The following PALLD variants were observed in gnomAD, a reference collection of about 807,000 sequenced individuals.
The protein encoded by PALLD is palladin, cytoskeletal associated protein, also known as palladin.
PALLD carries 61 observed loss-of-function variants against 123.5 expected under a neutral mutation model. The observed-to-expected ratio is 0.49, with a 90% CI of 0.40 to 0.61. The LOEUF is 0.61. Among genes scored for constraint, PALLD ranks in the 20% least tolerant of loss-of-function variants. PALLD has a pLI of 0.00. For synonymous variants in PALLD, 465 were observed against 496.4 expected (o/e 0.94, Z 0.84); for missense variants, 1,273 against 1,377.0 (o/e 0.92, Z 1.20).
At chr4:168,749,713 T>C (rs1451107267) in intron 10 of PALLD, among the ~76,000 whole-genome samples, 1 of 152,096 alleles carries the variant, frequency 6.6e-6, no homozygotes. Context: ...TCAATAACAG[T>C]AATAATGATA....
At chr4:168,796,657 A>G (rs868114778) in intron 10 of PALLD, among the ~76,000 whole-genome samples, 7 of 152,304 alleles carry the variant, frequency 4.6e-5, no homozygotes, top group Middle Eastern at 3.4e-3. Context: ...TTCAAATGGC[A>G]TATCTTCTGT....
chr4:168,880,772 T>C (rs1752501119), intron 10 of PALLD, among the ~76,000 whole-genome samples: 1 of 152,244 alleles, frequency 6.6e-6, no homozygotes, highest in Non-Finnish European at 1.5e-5. Context: ...CTGGATAGTT[T>C]TGCCATATAT....
At chr4:168,812,399 CCTTGGG>C in intron 10 of PALLD, among the ~76,000 whole-genome samples, 1 of 152,140 alleles carries the variant, frequency 6.6e-6, no homozygotes, top group African/African-American at 2.4e-5. Flanking sequence ...GAAACATCTC[CCTTGGG>C]CCTCTTATGG....
chr4:168,545,292 T>C (rs4395464), intron 2 of PALLD, among the ~76,000 whole-genome samples: 111,103 of 151,830 alleles, frequency 0.73, 40,953 homozygotes, highest in East Asian at 0.85. Context: ...TTTGGGAGGG[T>C]GAGGCAGGCG....
chr4:168,502,911 CA>C (rs1761573447), intron 1 of PALLD, among the ~76,000 whole-genome samples: 1 of 152,148 alleles, frequency 6.6e-6, no homozygotes, highest in Non-Finnish European at 1.5e-5. Flanking sequence ...CTCAAAAGAG[CA>C]GAATAACACT....
At chr4:168,814,196 T>C (rs1362505167) in intron 10 of PALLD, among the ~76,000 whole-genome samples, 1 of 152,232 alleles carries the variant, frequency 6.6e-6, no homozygotes, top group Non-Finnish European at 1.5e-5. Context: ...AAATTTTGGC[T>C]GAATTTGGAA....
intron 10 of PALLD, among the ~76,000 whole-genome samples, chr4:168,879,829 T>C (rs1161433735): frequency 1.3e-5 from 2 of 152,236 alleles, no homozygotes; most frequent in Non-Finnish European, 2.9e-5. Context: ...GTCAGTCAAC[T>C]TGTCTGAGGA....
chr4:168,657,823 A>G (rs1778731865), intron 2 of PALLD, among the ~76,000 whole-genome samples: 3 of 152,128 alleles, frequency 2.0e-5, no homozygotes, highest in Non-Finnish European at 4.4e-5. Flanking sequence ...GCATAATAAG[A>G]TTAGGGTGGG....
chr4:168,669,350 G>A (rs1224937888), intron 3 of PALLD, among the ~76,000 whole-genome samples: 1 of 152,176 alleles, frequency 6.6e-6, no homozygotes, highest in African/African-American at 2.4e-5. Flanking sequence ...AGGATCGCTC[G>A]AGGCCAGGAG....
chr4:168,543,498 G>A (rs1333395537), intron 2 of PALLD, among the ~76,000 whole-genome samples: 6 of 151,664 alleles, frequency 4.0e-5, no homozygotes. Context: ...AGTTGTAAGA[G>A]AGAGACATTT....
At chr4:168,813,489 G>C (rs1440648456) in intron 10 of PALLD, among the ~76,000 whole-genome samples, 1 of 152,106 alleles carries the variant, frequency 6.6e-6, no homozygotes, top group African/African-American at 2.4e-5. Context: ...ATAAGGTCTT[G>C]CTCTGTCACC....
rs1736722404 is a variant in PALLD, at chr4:168,786,137, G to A, written c.1964+74214G>A. 2.0e-5 allele frequency among the ~76,000 whole-genome samples: 3 copies of A among 151,904 alleles called. No individual in the cohort carries two copies. The South Asian group carries it at 6.2e-4, about 32-fold the overall frequency. The stretch of plus-strand genomic sequence containing the variant: ...GTGGTCAAGAGATTGAGACCAGCCT[G>A]GCCAACATGGTGAAACCCCGTCTCT... On this transcript the variant is annotated intron_variant, in intron 10 of 21. Transcript: ENST00000505667.
rs1463185052 is a variant in PALLD, at chr4:168,869,907, GGAGAACCAGTGAA to G, written c.1965-21013_1965-21001del. Among the ~76,000 whole-genome samples, 4 of 152,120 alleles carry G rather than the reference GGAGAACCAGTGAA, an allele frequency of 2.6e-5. No individual in the cohort carries two copies. The highest frequency in any genetic ancestry group is 9.7e-5 in the African/African-American group (4 of 41,408). On this transcript the variant is annotated intron_variant, in intron 10 of 21. Transcript: ENST00000505667. This position sits in a 1 kb window ranked among gnomAD's most constrained non-coding sequence, Gnocchi z 4.5. The stretch of plus-strand genomic sequence containing the variant: ...GTAAGGTACCCATATTTAGAGAGAT[GGAGAACCAGTGAA>G]GGAAGTAAGGCACAGTCCCAGAAGT...
At chr4:168,666,522 C>A (rs1779675273) in intron 2 of PALLD, among the ~76,000 whole-genome samples, 1 of 151,778 alleles carries the variant, frequency 6.6e-6, no homozygotes, top group South Asian at 2.1e-4. Context: ...GAGATAATTC[C>A]AAGGAGAAGA....
At chr4:168,564,086 A>G (rs10015043) in intron 2 of PALLD, among the ~76,000 whole-genome samples, 72,854 of 151,998 alleles carry the variant, frequency 0.48, 17,768 homozygotes, top group East Asian at 0.77. Flanking sequence ...TTAGGATGAG[A>G]AGATGAGAGT....
chr4:168,552,425 G>C (rs752717174), intron 2 of PALLD, among the ~76,000 whole-genome samples: 2 of 152,094 alleles, frequency 1.3e-5, no homozygotes, highest in Non-Finnish European at 2.9e-5. Flanking sequence ...TGGAATCCAT[G>C]AGCTTTCTTA....
intron 2 of PALLD, among the ~76,000 whole-genome samples, chr4:168,623,886 A>G (rs986129678): frequency 2.6e-5 from 4 of 152,216 alleles, no homozygotes; most frequent in African/African-American, 9.6e-5. Context: ...GAAGAAATAG[A>G]CAGAAATGAA....
intron 2 of PALLD, among the ~76,000 whole-genome samples, chr4:168,614,975 C>A (rs756755038): frequency 6.6e-6 from 1 of 151,954 alleles, no homozygotes; most frequent in Non-Finnish European, 1.5e-5. Context: ...GAAGATTCCT[C>A]GAATACAAGG....
intron 2 of PALLD, among the ~76,000 whole-genome samples, chr4:168,638,199 T>C (rs1452853488): frequency 1.3e-5 from 2 of 152,148 alleles, no homozygotes; most frequent in Non-Finnish European, 2.9e-5. Flanking sequence ...TATTATGAAG[T>C]AGATATATTA....
Sources: allele counts gnomAD v4.1 joint callset (sites outside exome capture counted in the v4.1 genomes callset), GRCh38; gene constraint gnomAD v4.1.1; non-coding constraint Gnocchi (gnomAD v3.1); transcripts MANE v1.5; gene names NCBI Gene and HGNC (gene_info 2026-07-23, HGNC 2026-07-21).